Variants in KCNH7 observed in about 807,000 individuals in gnomAD.
The protein encoded by KCNH7 is voltage-gated inwardly rectifying potassium channel KCNH7.
A neutral mutation model predicts 120.8 loss-of-function variants in KCNH7; 49 were observed. That is an observed-to-expected ratio of 0.41 (90% confidence interval 0.32 to 0.51). KCNH7 has a LOEUF of 0.51. Among genes scored for constraint, KCNH7 ranks in the 20% least tolerant of loss-of-function variants. The pLI is 0.38. For synonymous variants in KCNH7, 547 were observed against 516.1 expected, an observed-to-expected ratio of 1.06 and a Z score of -0.81; for missense variants, 1,097 against 1,446.6, an observed-to-expected ratio of 0.76 and a Z score of 3.92.
chr2:162,596,862 A>G (rs766918847), intron 2 of KCNH7, among the ~76,000 whole-genome samples: 3 of 152,082 alleles, frequency 2.0e-5, no homozygotes, highest in Non-Finnish European at 2.9e-5. Context: ...CAACAGCAAG[A>G]AAACAAATAA....
intron 6 of KCNH7, among the ~76,000 whole-genome samples, chr2:162,466,827 T>A (rs1689324559): frequency 6.6e-6 from 1 of 152,168 alleles, no homozygotes; most frequent in Non-Finnish European, 1.5e-5. Context: ...ACTAACTTTA[T>A]AAATAAGATG....
chr2:162,457,120 C>G lies in KCNH7; in HGVS notation c.1129-10677G>C, dbSNP rs191897691. ...AATCAAGACAGTGCTTTGGAGCCAT[C>G]CTTTCTGAAAATGAAGCACTAACAA... On this transcript the variant is annotated intron_variant, in intron 6 of 15. Coordinates refer to ENST00000332142, the MANE Select transcript of KCNH7 (RefSeq NM_033272.4). 8.5e-5 allele frequency among the ~76,000 whole-genome samples: 13 copies of G among 152,152 alleles called. 1 individual carries two copies. The highest frequency in any genetic ancestry group is 6.6e-4 in the Admixed American group (10 of 15,244).
chr2:162,503,258 A>T (rs1690750800), intron 6 of KCNH7, among the ~76,000 whole-genome samples: 1 of 152,016 alleles, frequency 6.6e-6, no homozygotes, highest in African/African-American at 2.4e-5. Flanking sequence ...TAATGGTAGG[A>T]ATCTATAAAT....
At chr2:162,482,106 T>G (rs1197765329) in intron 6 of KCNH7, among the ~76,000 whole-genome samples, 1 of 152,160 alleles carries the variant, frequency 6.6e-6, no homozygotes. Context: ...TTTAGTTGTG[T>G]AAAAATAGAC....
chr2:162,720,854 A>G (rs894679976), intron 2 of KCNH7, among the ~76,000 whole-genome samples: 1 of 152,162 alleles, frequency 6.6e-6, no homozygotes, highest in Admixed American at 6.5e-5. Context: ...TGAATACTAG[A>G]AGAATATTTC....
At chr2:162,467,942 C>T (rs1413877904) in intron 6 of KCNH7, among the ~76,000 whole-genome samples, 1 of 152,200 alleles carries the variant, frequency 6.6e-6, no homozygotes, top group Non-Finnish European at 1.5e-5. Flanking sequence ...TAATCTTGTT[C>T]ATAAAGGCTC....
rs1197681874 is a variant in KCNH7 at position 162,518,101 on chromosome 2, G to T, written c.521C>A (p.Ser174Tyr). ...CACATCGGGGTCTTCTTGTGGTAAG[G>T]ACTGCTTTCTGTAAGTGAGAACTCT... ...GLRVLTYRKQ[S>Y]LPQEDPDVVV... Residue 174 changes from serine (S) to tyrosine (Y), a missense_variant, in exon 4 of 16, where the codon TCC becomes TAC. Physicochemically the swap from Ser to Tyr is moderately radical, Grantham distance 144. Transcript: ENST00000332142. 1.9e-6 allele frequency: 3 copies of T among 1,612,164 alleles called. No homozygotes were observed. Among genetic ancestry groups the T allele is most frequent in the Non-Finnish European group, 2.5e-6 (3 of 1,178,752 alleles).
intron 2 of KCNH7, among the ~76,000 whole-genome samples, chr2:162,733,682 C>T (rs780881815): frequency 9.2e-5 from 14 of 152,356 alleles, no homozygotes; most frequent in South Asian, 2.1e-4. Context: ...ACCCATGCAT[C>T]TTTTCAGCTC....
At chr2:162,791,859 A>C (rs1683958529) in intron 2 of KCNH7, among the ~76,000 whole-genome samples, 3 of 152,114 alleles carry the variant, frequency 2.0e-5, no homozygotes, top group Admixed American at 2.0e-4. Flanking sequence ...GTCTTGTGCC[A>C]GTTTTCAGGG....
chr2:162,838,016 T>C lies in KCNH7; in HGVS notation c.76+427A>G, dbSNP rs572071974. Among the ~76,000 whole-genome samples, 13 of 152,324 alleles carry C rather than the reference T, an allele frequency of 8.5e-5. No individual in the cohort carries two copies. The South Asian group carries it at 2.7e-3, about 32-fold the overall frequency. On this transcript the variant is annotated intron_variant, in intron 1 of 15. Transcript: ENST00000332142. ...TTTGCAGTTTAACCAAGGTAAAATA[T>C]AGTTTGCATAGTCATTTACATCGCT... is the stretch of plus-strand genomic sequence containing the variant.
rs1454174469 is a variant in KCNH7, at chr2:162,836,715, A to G, written c.129T>C (p.Tyr43=). The change falls in exon 2 of 16, where the codon TAT becomes TAC. Residue 43 remains tyrosine, a synonymous_variant. Coordinates refer to ENST00000332142, the MANE Select transcript of KCNH7 (RefSeq NM_033272.4). ...TCATCTCACAGAACCCATCGTTGCA[A>G]TAAATGATGGCACAGTTCTGCACTC... is the stretch of plus-strand genomic sequence containing the variant. ...NARVQNCAII[Y]CNDGFCEMTG... 7 of 1,613,992 alleles carry G rather than the reference A, an allele frequency of 4.3e-6. No individual in the cohort carries two copies. The African/African-American group carries it at 8.0e-5, about 18-fold the overall frequency.
At chr2:162,521,226 T>C (rs1195396587) in intron 3 of KCNH7, among the ~76,000 whole-genome samples, 2 of 152,050 alleles carry the variant, frequency 1.3e-5, no homozygotes, top group East Asian at 3.9e-4. Context: ...GAGTCCCAGC[T>C]CTGACTGAAT....
intron 2 of KCNH7, among the ~76,000 whole-genome samples, chr2:162,683,085 A>G (rs1685769220): frequency 6.6e-6 from 1 of 151,902 alleles, no homozygotes; most frequent in Non-Finnish European, 1.5e-5. Flanking sequence ...CAAGCATTGT[A>G]GCAAAAAGTA....
intron 6 of KCNH7, among the ~76,000 whole-genome samples, chr2:162,503,695 T>C (rs2105751043): frequency 6.6e-6 from 1 of 152,194 alleles, no homozygotes; most frequent in East Asian, 1.9e-4. Flanking sequence ...AGAGAGTTTA[T>C]GCAAAGATTT....
chr2:162,564,406 ATTC>A (rs1693176555), intron 2 of KCNH7, among the ~76,000 whole-genome samples: 1 of 152,168 alleles, frequency 6.6e-6, no homozygotes, highest in Non-Finnish European at 1.5e-5. Context: ...CATTTGCAGA[ATTC>A]TTCTCAATGA....
chr2:162,546,199 T>C (rs1437829364), intron 2 of KCNH7, among the ~76,000 whole-genome samples: 1 of 152,180 alleles, frequency 6.6e-6, no homozygotes, highest in Non-Finnish European at 1.5e-5. Flanking sequence ...TTGGGAAATA[T>C]GAGTGTTAAA....
At chr2:162,523,298 C>T (rs998454582) in intron 3 of KCNH7, among the ~76,000 whole-genome samples, 7 of 151,824 alleles carry the variant, frequency 4.6e-5, no homozygotes, top group African/African-American at 1.7e-4. Flanking sequence ...CCTTCTCCCA[C>T]CAAAGCCCTT....
intron 2 of KCNH7, among the ~76,000 whole-genome samples, chr2:162,706,954 C>G (rs1413522044): frequency 6.6e-6 from 1 of 152,054 alleles, no homozygotes; most frequent in Admixed American, 6.6e-5. Flanking sequence ...TTCTGAAAGC[C>G]AAGGGCTATC....
Position 162,786,279 on chromosome 2 carries a change from C to A in KCNH7, c.307+50258G>T, listed in dbSNP as rs554348586. On this transcript the variant is annotated intron_variant, in intron 2 of 15. Coordinates refer to ENST00000332142, the MANE Select transcript of KCNH7 (RefSeq NM_033272.4). ...AAAAAAAAAAGCTAGTAGTATGAGCCAACATTCTTGGAACACTTACTGTGT... is the reference window on the plus strand; with the variant it reads ...AAAAAAAAAAGCTAGTAGTATGAGCAAACATTCTTGGAACACTTACTGTGT... 6.7e-5 allele frequency among the ~76,000 whole-genome samples: 10 copies of A among 148,274 alleles called. No homozygotes were observed. The East Asian group carries it at 2.0e-3, about 30-fold the overall frequency.
Sources: gnomAD v4.1 joint callset for allele counts (sites outside exome capture counted in the v4.1 genomes callset) on GRCh38, gnomAD v4.1.1 for gene constraint, MANE v1.5 for transcripts, NCBI Gene and HGNC (gene_info 2026-07-23, HGNC 2026-07-21) for gene names.